The following AGAP3 variants were observed in gnomAD, a reference collection of about 807,000 sequenced individuals.
AGAP3 encodes the protein arf-GAP with GTPase, ANK repeat and PH domain-containing protein 3.
In AGAP3, 24 loss-of-function variants were observed where a neutral mutation model predicts 96.9. The observed-to-expected ratio is 0.25, with a 90% CI of 0.18 to 0.35. The LOEUF is 0.35. AGAP3 is among the 10% of genes least tolerant of loss of function. The pLI is 1.00. For synonymous variants in AGAP3, 563 were observed against 536.1 expected (o/e 1.05, Z -0.69); for missense variants, 876 against 1,254.2 (o/e 0.70, Z 4.55).
rs1241701314 is a variant in AGAP3, at chr7:151,108,180, A to G, written c.332-8613A>G. 6.6e-6 allele frequency among the ~76,000 whole-genome samples: 1 copy of G among 152,230 alleles called. No individual in the cohort carries two copies. The highest frequency in any genetic ancestry group is 2.4e-5 in the African/African-American group (1 of 41,452). ...AAAGCCAGGAGGCCAGATGGGGGACATGCTAAGGGACCGAGTCTTCGAGGG... is the reference window on the plus strand; with the variant it reads ...AAAGCCAGGAGGCCAGATGGGGGACGTGCTAAGGGACCGAGTCTTCGAGGG... On this transcript the variant is annotated intron_variant, in intron 1 of 17. Transcript: ENST00000397238. The surrounding 1 kb of genome is among the most constrained non-coding windows in gnomAD (Gnocchi z 4.2).
At chr7:151,115,579 C>T in intron 1 of AGAP3, 1 of 1,152,854 alleles carries the variant, frequency 8.7e-7, no homozygotes, top group Non-Finnish European at 1.1e-6. Context: ...GAGCCCGCGC[C>T]CGCCGCGCCG....
chr7:151,101,801 C>T (rs1224016802), intron 1 of AGAP3, among the ~76,000 whole-genome samples: 2 of 152,114 alleles, frequency 1.3e-5, no homozygotes, highest in Non-Finnish European at 2.9e-5. Flanking sequence ...CTCGGGAGGC[C>T]GGGAGAGAAT....
At chr7:151,097,538 AAAAG>A (rs1798657617) in intron 1 of AGAP3, among the ~76,000 whole-genome samples, 1 of 151,794 alleles carries the variant, frequency 6.6e-6, no homozygotes, top group Non-Finnish European at 1.5e-5. Flanking sequence ...AAAAAAAAGA[AAAAG>A]AAAAGAGGTT....
intron 1 of AGAP3, among the ~76,000 whole-genome samples, chr7:151,095,789 T>G (rs1798582228): frequency 6.6e-6 from 1 of 150,746 alleles, no homozygotes; most frequent in Non-Finnish European, 1.5e-5. Flanking sequence ...TTTGGAGGCT[T>G]TCCATCACTC....
chr7:151,124,258 G>A (rs1338327201), intron 9 of AGAP3, among the ~76,000 whole-genome samples: 7 of 152,202 alleles, frequency 4.6e-5, no homozygotes, highest in South Asian at 2.1e-4. Flanking sequence ...GGGATACTGA[G>A]GGCTAGTCCA....
At chr7:151,120,559 A>T in intron 8 of AGAP3, 2 of 1,197,432 alleles carry the variant, frequency 1.7e-6, no homozygotes, top group South Asian at 2.5e-5. Flanking sequence ...GCCCAAGGCG[A>T]CACAGAGGGT....
chr7:151,117,987 T>A, intron 5 of AGAP3: 1 of 885,594 alleles, frequency 1.1e-6, no homozygotes, highest in Non-Finnish European at 1.7e-6. Flanking sequence ...AGGTCTGTGT[T>A]TTTTTAGATG....
chr7:151,134,159 T>C (rs1800501145), intron 10 of AGAP3, among the ~76,000 whole-genome samples: 2 of 152,114 alleles, frequency 1.3e-5, no homozygotes, highest in Non-Finnish European at 2.9e-5. Flanking sequence ...TAGCTCCAGG[T>C]CCTTCGCCGC....
chr7:151,110,822 T>C (rs1022912076), intron 1 of AGAP3, among the ~76,000 whole-genome samples: 6 of 151,864 alleles, frequency 4.0e-5, no homozygotes, highest in Non-Finnish European at 8.8e-5. Flanking sequence ...AGGAAGGGAA[T>C]GGAGGGTGTT....
chr7:151,132,974 G>A (rs983808495), intron 10 of AGAP3, among the ~76,000 whole-genome samples: 1 of 152,204 alleles, frequency 6.6e-6, no homozygotes, highest in Admixed American at 6.5e-5. Flanking sequence ...CCAGCCTGGC[G>A]GGAAAGCAGT....
At chr7:151,121,013 G>A (rs1027557472) in intron 8 of AGAP3, 2 of 244,642 alleles carry the variant, frequency 8.2e-6, no homozygotes, top group African/African-American at 2.3e-5. Flanking sequence ...CCGCCCCTCC[G>A]CGTCACTCCA....
chr7:151,099,546 G>A (rs999024318), intron 1 of AGAP3, among the ~76,000 whole-genome samples: 6 of 152,206 alleles, frequency 3.9e-5, no homozygotes, highest in African/African-American at 9.6e-5. Context: ...GGGTGACAAA[G>A]TGTGTTCATG....
At chr7:151,126,591 A>G (rs1291331472) in intron 9 of AGAP3, among the ~76,000 whole-genome samples, 2 of 152,044 alleles carry the variant, frequency 1.3e-5, no homozygotes, top group African/African-American at 4.8e-5. Context: ...GATGACTCCA[A>G]GGCATCTCCA....
chr7:151,142,367 G>A lies in AGAP3; in HGVS notation c.2051-45G>A, dbSNP rs765150823. On this transcript the variant is annotated intron_variant, in intron 15 of 17. Transcript: ENST00000397238. The surrounding 1 kb of genome is among the most constrained non-coding windows in gnomAD (Gnocchi z 7.5). ...CCTTCCCTAGTTGTCCCGCGCTCTG[G>A]TGGCCTGCCTGCTGTCGCTGTATCA... is the stretch of plus-strand genomic sequence containing the variant. 1 of 1,602,152 alleles carries A rather than the reference G, an allele frequency of 6.2e-7. No individual in the cohort carries two copies. Among genetic ancestry groups the A allele is most frequent in the South Asian group, 1.1e-5 (1 of 90,726 alleles).
chr7:151,121,350 C>T (rs574288713), intron 8 of AGAP3, among the ~76,000 whole-genome samples: 1 of 151,674 alleles, frequency 6.6e-6, no homozygotes, highest in Admixed American at 6.6e-5. Flanking sequence ...GTGGGGGGGG[C>T]CGCCTGCTCG....
chr7:151,130,890 C>T (rs946799587), intron 10 of AGAP3, among the ~76,000 whole-genome samples: 5 of 152,242 alleles, frequency 3.3e-5, no homozygotes, highest in Non-Finnish European at 7.3e-5. Context: ...CCGCCACCTT[C>T]CAGCCTGAGC....
chr7:151,102,730 C>G (rs1798884605), intron 1 of AGAP3, among the ~76,000 whole-genome samples: 1 of 152,126 alleles, frequency 6.6e-6, no homozygotes, highest in Non-Finnish European at 1.5e-5. Flanking sequence ...ATCCTCCCAC[C>G]TCAGCCTCCC....
In AGAP3 at chr7:151,132,549, G is replaced by A. The variant is rs115858854; in HGVS notation, c.1327-1851G>A. 7.3e-3 allele frequency among the ~76,000 whole-genome samples: 1,110 copies of A among 152,322 alleles called. 13 individuals are homozygous for A. The highest frequency in any genetic ancestry group is 0.026 in the African/African-American group (1,075 of 41,560). Reference sequence around the variant, plus strand: ...CCCCTGGTCCTCTTCCTGAAGGGCTGTCTGCCTGGGAAGATGCCATAGCCA... The same window carrying A: ...CCCCTGGTCCTCTTCCTGAAGGGCTATCTGCCTGGGAAGATGCCATAGCCA... On this transcript the variant is annotated intron_variant, in intron 10 of 17. Transcript: ENST00000397238.
chr7:151,093,888 C>A (rs1798494760), intron 1 of AGAP3, among the ~76,000 whole-genome samples: 1 of 152,146 alleles, frequency 6.6e-6, no homozygotes, highest in Non-Finnish European at 1.5e-5. Flanking sequence ...CTAGGGGTGA[C>A]CCTGGCGTGA....
Sources: gnomAD v4.1 joint callset for allele counts (sites outside exome capture counted in the v4.1 genomes callset) on GRCh38, gnomAD v4.1.1 for gene constraint, Gnocchi (gnomAD v3.1) non-coding constraint, MANE v1.5 for transcripts, NCBI Gene and HGNC (gene_info 2026-07-23, HGNC 2026-07-21) for gene names.